The following PDE2A variants were observed in gnomAD, a reference collection of about 807,000 sequenced individuals.
PDE2A encodes the protein cGMP-dependent 3',5'-cyclic phosphodiesterase.
Under a neutral mutation model 133.6 loss-of-function variants are expected in PDE2A, and 53 were observed. That is an observed-to-expected ratio of 0.40 (90% CI 0.32 to 0.50). The LOEUF (loss-of-function observed/expected upper bound fraction) is 0.50. Among genes scored for constraint, PDE2A ranks in the 20% least tolerant of loss-of-function variants. PDE2A has a pLI of 0.73. For missense variants in PDE2A, 796 were observed against 1,232.4 expected (o/e 0.65, Z 5.30); for synonymous variants, 491 against 490.2 (o/e 1.00, Z -0.02).
At chr11:72,585,344 C>T (rs1163848122) in intron 16 of PDE2A, 27 bp downstream of exon 16, 1 of 1,601,270 alleles carries the variant, frequency 6.2e-7, no homozygotes, top group Admixed American at 1.7e-5. Context: ...GCCTCTCTCG[C>T]CCTGTCCCCT....
In PDE2A at chr11:72,577,519, C is replaced by T. The variant is rs765938008; in HGVS notation, c.2691G>A (p.Lys897=). ...CGCGGATGGTGAACTTGTGGGACACCTTGGTCCAGTGCTCACGGTTGGAGG... is the reference window on the plus strand; with the variant it reads ...CGCGGATGGTGAACTTGTGGGACACTTTGGTCCAGTGCTCACGGTTGGAGG... ...RVASNREHWT[K]VSHKFTIRGL... The change falls in exon 31 of 31, where the codon AAG becomes AAA. Residue 897 remains lysine (K), a synonymous_variant. Transcript: ENST00000334456. 1 of 1,613,000 alleles carries T rather than the reference C, an allele frequency of 6.2e-7. No individual in the cohort carries two copies. Among genetic ancestry groups the T allele is most frequent in the Non-Finnish European group, 8.5e-7 (1 of 1,180,016 alleles).
rs1194276923 is a variant in PDE2A at position 72,582,483 on chromosome 11, G to C, written c.1812C>G (p.Thr604=). The C allele has an allele frequency of 6.2e-7, 1 of 1,614,010 alleles. No homozygotes were observed. Among genetic ancestry groups the C allele is most frequent in the South Asian group, 1.1e-5 (1 of 91,080 alleles). The change falls in exon 21 of 31, where the codon ACC becomes ACG. Residue 604 remains threonine, a synonymous_variant. Coordinates refer to ENST00000334456, the MANE Select transcript of PDE2A (RefSeq NM_002599.5). ...AAIDSNFASF[T]YTPRSLPEDD... ...CCTCGGGCAGGGAACGAGGGGTATA[G>C]GTGAAACTTGCAAAATTGGAGTCAA...
intron 1 of PDE2A, among the ~76,000 whole-genome samples, chr11:72,668,855 C>T (rs1855316846): frequency 6.6e-6 from 1 of 152,202 alleles, no homozygotes; most frequent in South Asian, 2.1e-4. Flanking sequence ...TGCTTCTCAC[C>T]GTAGCCACAA....
At position 72,591,861 on chromosome 11, in the gene PDE2A, G is replaced by T. The variant is rs76282303; in HGVS notation, c.490-505C>A. On this transcript the variant is annotated intron_variant, in intron 6 of 30. Coordinates refer to ENST00000334456, the MANE Select transcript of PDE2A (RefSeq NM_002599.5). ...ATAAATGGATAAATGGGTTCGTGAA[G>T]TGCTTTGCCTTACATGTGATTCTCA... Among the ~76,000 whole-genome samples, 714 of 152,348 alleles carry T rather than the reference G, an allele frequency of 4.7e-3. 4 individuals carry two copies. The highest frequency in any genetic ancestry group is 0.016 in the African/African-American group (681 of 41,576).
At chr11:72,588,184 A>AG (rs2135298121) in intron 13 of PDE2A, among the ~76,000 whole-genome samples, 2 of 152,276 alleles carry the variant, frequency 1.3e-5, no homozygotes, top group South Asian at 2.1e-4. Flanking sequence ...AATAAAATTC[A>AG]GGCACCTACT....
intron 1 of PDE2A, among the ~76,000 whole-genome samples, chr11:72,667,338 T>TCATTCTAGATG (rs1855265704): frequency 6.6e-6 from 1 of 152,110 alleles, no homozygotes; most frequent in African/African-American, 2.4e-5. Flanking sequence ...AACTGCAATG[T>TCATTCTAGATG]CATTCTAGAT....
intron 24 of PDE2A, 115 bp downstream of exon 24, chr11:72,580,771 G>T: frequency 1.0e-6 from 1 of 957,710 alleles, no homozygotes; most frequent in South Asian, 1.3e-5. Context: ...ACCTCCTCCT[G>T]TGTCTAAACC....
At chr11:72,585,302 A>G in intron 16 of PDE2A, 69 bp downstream of exon 16, 1 of 1,293,486 alleles carries the variant, frequency 7.7e-7, no homozygotes. Context: ...TGGGTGGGGC[A>G]GGAAAGGAGA....
rs1195562051 is a variant in PDE2A at position 72,590,536 on chromosome 11, C to T, written c.594G>A (p.Gly198=). ...GGACGGCTCGGGGAGCCTCCCTGGG[C>T]CCGCGCTGCTGCAGGACCTGCACCC... ...LRRVQVLQQR[G]PREAPRAVQN... Residue 198 remains glycine (G), a synonymous_variant, in exon 8 of 31, where the codon GGG becomes GGA. Transcript: ENST00000334456. This position sits in a 1 kb window ranked among gnomAD's most constrained non-coding sequence, Gnocchi z 4.8. 1 of 1,444,678 alleles carries T rather than the reference C, an allele frequency of 6.9e-7. No homozygotes were observed. Among genetic ancestry groups the T allele is most frequent in the Non-Finnish European group, 9.0e-7 (1 of 1,105,168 alleles). The allele number at this position is 1,444,678 out of a possible 1,614,324, so 89.5% of individuals were successfully genotyped here.
At chr11:72,623,618 C>T (rs1436094950) in intron 2 of PDE2A, among the ~76,000 whole-genome samples, 1 of 152,134 alleles carries the variant, frequency 6.6e-6, no homozygotes, top group Admixed American at 6.5e-5. Flanking sequence ...CGGTTTCTGC[C>T]TCCTTGTCCT....
Position 72,579,001 on chromosome 11 carries a change from C to A in PDE2A, c.2365G>T (p.Asp789Tyr). Reference sequence around the variant, plus strand: ...CTGTGGTGCTGCTTGTTGTTTCGGTCGTAGCCCACTGTTGAGGGGAGGATG... The same window carrying A: ...CTGTGGTGCTGCTTGTTGTTTCGGTAGTAGCCCACTGTTGAGGGGAGGATG... Reference protein sequence around the residue: ...DLQKMAEVGYDRNNKQHHRLL... With the variant: ...DLQKMAEVGYYRNNKQHHRLL... Residue 789 changes from aspartate to tyrosine, a missense_variant, in exon 28 of 31, where the codon GAC (aspartate) becomes TAC (tyrosine). Physicochemically the swap from Asp to Tyr is radical, Grantham distance 160 (BLOSUM62 -3). Transcript: ENST00000334456. 4 of 1,611,272 alleles carry A rather than the reference C, an allele frequency of 2.5e-6. No homozygotes were observed. The highest frequency in any genetic ancestry group is 1.1e-5 in the South Asian group (1 of 90,928).
intron 2 of PDE2A, among the ~76,000 whole-genome samples, chr11:72,609,915 A>T (rs1857129148): frequency 7.7e-6 from 1 of 129,250 alleles, no homozygotes; most frequent in Non-Finnish European, 1.7e-5. Flanking sequence ...ACTGGCAAGA[A>T]ATAAAAATGC....
At chr11:72,584,479 G>T in intron 18 of PDE2A, 72 bp downstream of exon 18, 1 of 1,493,876 alleles carries the variant, frequency 6.7e-7, no homozygotes, top group Non-Finnish European at 9.1e-7. Flanking sequence ...GGGAAGTGTT[G>T]CCACCCCCGC....
chr11:72,623,093 C>T (rs893938209), intron 2 of PDE2A, among the ~76,000 whole-genome samples: 2 of 152,162 alleles, frequency 1.3e-5, no homozygotes, highest in African/African-American at 4.8e-5. Context: ...AGCCCAACGT[C>T]TCCAAAGGGC....
At position 72,590,468 on chromosome 11, in the gene PDE2A, G is replaced by A; in HGVS notation, c.662C>T (p.Ala221Val). The A allele has an allele frequency of 6.5e-7, 1 of 1,541,058 alleles. No individual in the cohort carries two copies. The highest frequency in any genetic ancestry group is 2.0e-5 in the Admixed American group (1 of 50,556). Residue 221 changes from alanine to valine, a missense_variant, in exon 8 of 31, where the codon GCG becomes GTG. Coordinates refer to ENST00000334456, the MANE Select transcript of PDE2A (RefSeq NM_002599.5). This position sits in a 1 kb window ranked among gnomAD's most constrained non-coding sequence, Gnocchi z 4.8. Reference protein sequence around the residue: ...EGTAEDQKGGAAYTDRDRKIL... With the variant: ...EGTAEDQKGGVAYTDRDRKIL... ...CTTGCGGTCGCGGTCGGTGTACGCCGCCCCGCCCTTCTGGTCTTCCGCCGT... is the reference window on the plus strand; with the variant it reads ...CTTGCGGTCGCGGTCGGTGTACGCCACCCCGCCCTTCTGGTCTTCCGCCGT...
chr11:72,588,755 C>G lies in PDE2A; in HGVS notation c.1070+29G>C, dbSNP rs1484032000. The G allele has an allele frequency of 2.5e-6, 4 of 1,571,464 alleles. No individual in the cohort carries two copies. The African/African-American group carries it at 5.4e-5, about 21-fold the overall frequency. On this transcript the variant is annotated intron_variant, in intron 13 of 30. Coordinates refer to ENST00000334456, the MANE Select transcript of PDE2A (RefSeq NM_002599.5). ...CTAGCCAGCCTCTCAGTGACATCTC[C>G]TGATCTGCATCATCCCACAAAGACT...
intron 4 of PDE2A, among the ~76,000 whole-genome samples, chr11:72,601,032 T>C (rs1856718894): frequency 6.7e-6 from 1 of 150,304 alleles, no homozygotes; most frequent in African/African-American, 2.5e-5. Context: ...TTCTCTACTT[T>C]GGAGAAGCCC....
At chr11:72,589,417 G>C (rs1320230741) in intron 11 of PDE2A, among the ~76,000 whole-genome samples, 177 bp from the exon 12 acceptor site, 1 of 152,170 alleles carries the variant, frequency 6.6e-6, no homozygotes, top group Non-Finnish European at 1.5e-5. Context: ...TCGCTATAAA[G>C]GACTCTAGAG....
intron 1 of PDE2A, 31 bp downstream of exon 1, chr11:72,674,106 G>T (rs372392802): frequency 1.9e-6 from 3 of 1,604,824 alleles, no homozygotes; most frequent in Admixed American, 1.7e-5. Flanking sequence ...TCTCACAGCC[G>T]CTCACCACCC....
Sources: gnomAD v4.1 joint callset for allele counts (sites outside exome capture counted in the v4.1 genomes callset) on GRCh38, gnomAD v4.1.1 for gene constraint, Gnocchi (gnomAD v3.1) non-coding constraint, MANE v1.5 for transcripts, NCBI Gene and HGNC (gene_info 2026-07-23, HGNC 2026-07-21) for gene names.